Variants in FOXP2 observed in about 807,000 individuals in gnomAD.
The protein encoded by FOXP2 is forkhead box P2, also known as forkhead box protein P2.
In FOXP2, 12 loss-of-function variants were observed where a neutral mutation model predicts 115.8. That is an observed-to-expected ratio of 0.10 (90% confidence interval 0.07 to 0.17). The LOEUF (loss-of-function observed/expected upper bound fraction) is 0.17. FOXP2 is among the 10% of genes least tolerant of loss of function. The pLI is 1.00. For synonymous variants in FOXP2, 328 were observed against 297.7 expected (o/e 1.10, Z -1.05); for missense variants, 629 against 843.5 (o/e 0.75, Z 3.15).
intron 1 of FOXP2, among the ~76,000 whole-genome samples, chr7:114,152,838 G>T (rs1330803615): frequency 6.6e-6 from 1 of 152,004 alleles, no homozygotes; most frequent in African/African-American, 2.4e-5. Context: ...GCCATGTGGG[G>T]CCCCCATACA....
At chr7:114,520,388 T>C (rs1163840140) in intron 2 of FOXP2, among the ~76,000 whole-genome samples, 1 of 152,124 alleles carries the variant, frequency 6.6e-6, no homozygotes. Context: ...TGTCATATAG[T>C]ATGTAACATA....
rs559749594 is a variant in FOXP2, at chr7:114,658,399, T to G, written c.1468+132T>G. On this transcript the variant is annotated intron_variant, in intron 11 of 16. Transcript: ENST00000350908. The stretch of plus-strand genomic sequence containing the variant: ...ATTTATGGAGTGATAATTGTTTTAT[T>G]CCTGGTAAATGCGAATAGGGGCGAT... The G allele has an allele frequency of 1.7e-4, 164 of 965,200 alleles. No individual in the cohort carries two copies. The African/African-American group carries it at 2.4e-3, about 14-fold the overall frequency. 59.8% of individuals were successfully genotyped at this position (965,200 alleles called of 1,614,324 possible).
chr7:114,590,535 G>A (rs1802390941), intron 3 of FOXP2, among the ~76,000 whole-genome samples: 1 of 152,144 alleles, frequency 6.6e-6, no homozygotes. Flanking sequence ...GCTCCTAGGG[G>A]AAGGCAGATG....
chr7:114,147,430 A>G (rs1319353277), intron 1 of FOXP2, among the ~76,000 whole-genome samples: 1 of 152,118 alleles, frequency 6.6e-6, no homozygotes, highest in Non-Finnish European at 1.5e-5. Flanking sequence ...ATAGAAAACA[A>G]GGCTTTTATT....
chr7:114,587,055 A>G (rs181337234), intron 3 of FOXP2, among the ~76,000 whole-genome samples: 2 of 144,192 alleles, frequency 1.4e-5, no homozygotes, highest in Admixed American at 6.8e-5. Flanking sequence ...TTTATGTGCT[A>G]TTTCTTTTTT....
At chr7:114,489,247 A>T (rs1796927238) in intron 2 of FOXP2, among the ~76,000 whole-genome samples, 1 of 152,192 alleles carries the variant, frequency 6.6e-6, no homozygotes, top group Non-Finnish European at 1.5e-5. Context: ...TAATATTTTT[A>T]AAAAGTAATT....
At chr7:114,514,921 T>C (rs941296529) in intron 2 of FOXP2, among the ~76,000 whole-genome samples, 4 of 148,120 alleles carry the variant, frequency 2.7e-5, no homozygotes, top group Admixed American at 1.4e-4. Context: ...CCTGTGTCCA[T>C]GTGTTCTCAT....
At chr7:114,249,928 C>A (rs1357199154) in intron 1 of FOXP2, among the ~76,000 whole-genome samples, 1 of 151,460 alleles carries the variant, frequency 6.6e-6, no homozygotes, top group East Asian at 2.0e-4. Context: ...AGGTATATCT[C>A]CTAATGCTAT....
intron 2 of FOXP2, among the ~76,000 whole-genome samples, chr7:114,529,869 G>A (rs1379897983): frequency 6.6e-6 from 1 of 151,820 alleles, no homozygotes; most frequent in Non-Finnish European, 1.5e-5. Flanking sequence ...AGGCCAAACA[G>A]AATACGAATT....
intron 16 of FOXP2, chr7:114,668,895 T>G (rs1047757873): frequency 2.0e-5 from 3 of 152,096 alleles, no homozygotes; most frequent in Non-Finnish European, 4.4e-5. Flanking sequence ...AAAGTCATAC[T>G]TACAGGAGTA....
chr7:114,111,473 T>C (rs1584484925), intron 1 of FOXP2, among the ~76,000 whole-genome samples: 2 of 152,266 alleles, frequency 1.3e-5, no homozygotes, highest in East Asian at 3.9e-4. Context: ...TTGTGAGGAA[T>C]AGTAAATTGT....
intron 2 of FOXP2, among the ~76,000 whole-genome samples, chr7:114,455,955 G>T (rs1337767413): frequency 6.6e-6 from 1 of 151,930 alleles, no homozygotes; most frequent in Non-Finnish European, 1.5e-5. Context: ...ACACCATTTT[G>T]TGTTCTGCCC....
chr7:114,139,539 C>T (rs983155108), intron 1 of FOXP2, among the ~76,000 whole-genome samples: 1 of 152,052 alleles, frequency 6.6e-6, no homozygotes, highest in Admixed American at 6.6e-5. Flanking sequence ...AGATATTCTA[C>T]AAATTTTCTG....
In FOXP2 at chr7:114,490,366, A is replaced by T. The variant is rs145769833; in HGVS notation, c.169-44251A>T. Among the ~76,000 whole-genome samples, 63 of 152,260 alleles carry T rather than the reference A, an allele frequency of 4.1e-4. 1 individual carries two copies. The East Asian group carries it at 0.012, about 28-fold the overall frequency. On this transcript the variant is annotated intron_variant, in intron 2 of 16. Transcript: ENST00000350908. ...AACTGTACAACATCCTGGAAAGAGC[A>T]AAACTATGGAGATGTAAAAAGATCA...
intron 2 of FOXP2, among the ~76,000 whole-genome samples, chr7:114,519,069 T>C (rs993025847): frequency 2.0e-5 from 3 of 152,196 alleles, no homozygotes; most frequent in African/African-American, 7.2e-5. Context: ...ATAGATGTGC[T>C]CAAGGTGTTC....
At chr7:114,236,964 A>T (rs1170294789) in intron 1 of FOXP2, among the ~76,000 whole-genome samples, 2 of 152,140 alleles carry the variant, frequency 1.3e-5, no homozygotes, top group Non-Finnish European at 2.9e-5. Context: ...TGATAGAAAG[A>T]CCCTGTCTCA....
intron 1 of FOXP2, among the ~76,000 whole-genome samples, chr7:114,191,572 A>G (rs549417688): frequency 6.6e-6 from 1 of 152,342 alleles, no homozygotes; most frequent in African/African-American, 2.4e-5. Context: ...AATTATGAAC[A>G]TATAACCTGA....
At chr7:114,639,929 C>T (rs773904726) in intron 6 of FOXP2, among the ~76,000 whole-genome samples, 21 of 152,074 alleles carry the variant, frequency 1.4e-4, no homozygotes, top group Non-Finnish European at 2.5e-4. Flanking sequence ...GCCTGGGAAG[C>T]GACATGACCT....
intron 9 of FOXP2, among the ~76,000 whole-genome samples, chr7:114,652,966 T>A (rs984879451): frequency 4.6e-5 from 7 of 152,156 alleles, no homozygotes; most frequent in African/African-American, 1.7e-4. Context: ...TCACCCAAAG[T>A]CTGACTCTTG....
Sources: allele counts gnomAD v4.1 joint callset (sites outside exome capture counted in the v4.1 genomes callset), GRCh38; gene constraint gnomAD v4.1.1; transcripts MANE v1.5; gene names NCBI Gene and HGNC (gene_info 2026-07-23, HGNC 2026-07-21).